Variants in SLC35A5 observed in about 807,000 individuals in gnomAD.
SLC35A5 encodes the protein UDP-sugar transporter protein SLC35A5.
Under a neutral mutation model 36.3 loss-of-function variants are expected in SLC35A5, and 28 were observed. The observed-to-expected ratio is 0.77, with a 90% confidence interval of 0.57 to 1.06. The LOEUF is 1.06. SLC35A5 is among the 50% of genes least tolerant of loss of function. The pLI is 0.00. For synonymous variants in SLC35A5, 180 were observed against 173.7 expected, an observed-to-expected ratio of 1.04 and a Z score of -0.29; for missense variants, 521 against 499.3, an observed-to-expected ratio of 1.04 and a Z score of -0.41.
chr3:112,574,949 G>C (rs912908299), intron 5 of SLC35A5, among the ~76,000 whole-genome samples: 4 of 152,014 alleles, frequency 2.6e-5, no homozygotes, highest in African/African-American at 9.7e-5. Context: ...ATCGAAGTTT[G>C]TTCTACGTAT....
At chr3:112,580,412 T>C in intron 5 of SLC35A5, 134 bp from the exon 6 acceptor site, 1 of 972,480 alleles carries the variant, frequency 1.0e-6, no homozygotes, top group Middle Eastern at 3.3e-4. Flanking sequence ...TTCTCTGAAC[T>C]TGAGTGGTAG....
At chr3:112,580,439 CT>C in intron 5 of SLC35A5, 106 bp from the exon 6 acceptor site, 3 of 1,274,206 alleles carry the variant, frequency 2.4e-6, no homozygotes, top group Non-Finnish European at 3.2e-6. Context: ...CTAGCAAAAA[CT>C]GGGTCCAGTT....
intron 1 of SLC35A5, among the ~76,000 whole-genome samples, chr3:112,562,803 C>A (rs1933989724): frequency 6.6e-6 from 1 of 152,218 alleles, no homozygotes; most frequent in Admixed American, 6.5e-5. Context: ...GTGGCTCACG[C>A]CTGTAATCCC....
chr3:112,582,933 C>G lies in SLC35A5; in HGVS notation c.*197C>G, dbSNP rs1019273335. 2 of 527,490 alleles carry G rather than the reference C, an allele frequency of 3.8e-6. No individual in the cohort carries two copies. The highest frequency in any genetic ancestry group is 1.9e-5 in the African/African-American group (1 of 51,948). 32.7% of individuals were successfully genotyped at this position (527,490 alleles called of 1,614,324 possible). ...GCTAAGAAATTCTAAAGAACTGATA[C>G]AGGAGTAACAATATGAAGAATTCAT... On this transcript the variant is annotated 3_prime_UTR_variant, in exon 7 of 7. Coordinates refer to ENST00000492406, the MANE Select transcript of SLC35A5 (RefSeq NM_017945.5).
intron 5 of SLC35A5, among the ~76,000 whole-genome samples, chr3:112,576,604 T>A (rs575778365): frequency 2.6e-5 from 4 of 152,210 alleles, no homozygotes; most frequent in Non-Finnish European, 5.9e-5. Context: ...TTCTTTGAAT[T>A]TGACTACTTT....
chr3:112,581,446 T>A, intron 6 of SLC35A5, 120 bp downstream of exon 6: 1 of 1,020,482 alleles, frequency 9.8e-7, no homozygotes, highest in Non-Finnish European at 1.4e-6. Flanking sequence ...CTCTGACTTT[T>A]AAAACCGAAT....
At chr3:112,582,326 A>G (rs1387375299) in intron 6 of SLC35A5, among the ~76,000 whole-genome samples, 1 of 152,132 alleles carries the variant, frequency 6.6e-6, no homozygotes, top group Non-Finnish European at 1.5e-5. Flanking sequence ...ACAGCCGATA[A>G]TGCCATTTGC....
At chr3:112,574,288 A>G (rs556204416) in intron 5 of SLC35A5, among the ~76,000 whole-genome samples, 72 of 152,346 alleles carry the variant, frequency 4.7e-4, no homozygotes, top group Admixed American at 6.5e-4. Context: ...CTAATAGGGA[A>G]GCAAATGGTT....
chr3:112,575,631 A>G lies in SLC35A5; in HGVS notation c.428+1675A>G, dbSNP rs191980318. On this transcript the variant is annotated intron_variant, in intron 5 of 6. Transcript: ENST00000492406. ...CTACATACTTTCTTATTTTCAGAGG[A>G]ATAATAATGATTCTTAGACATATAT... 9.9e-5 allele frequency among the ~76,000 whole-genome samples: 15 copies of G among 152,278 alleles called. No individual in the cohort carries two copies. In the East Asian group the frequency reaches 2.9e-3, roughly 29 times the overall value.
chr3:112,563,370 GTT>G lies in SLC35A5; in HGVS notation c.-19-11_-19-10del. 6.9e-7 allele frequency: 1 copy of G among 1,444,808 alleles called. No individual in the cohort carries two copies. The highest frequency in any genetic ancestry group is 2.5e-5 in the East Asian group (1 of 39,710). The allele number at this position is 1,444,808 out of a possible 1,614,324, so 89.5% of individuals were successfully genotyped here. A position where few individuals can be genotyped will look rare whatever the true frequency, so the allele number is the denominator to read the frequency against. ...TGCCAACAAGGTCGTTCATGAAAGT[GTT>G]TTTCTCTTTAAGGTAATTAAAAAAC... On this transcript the variant is annotated splice_polypyrimidine_tract_variant and intron_variant, in intron 1 of 6. Transcript: ENST00000492406.
chr3:112,574,685 C>T (rs1029338358), intron 5 of SLC35A5, among the ~76,000 whole-genome samples: 14 of 151,886 alleles, frequency 9.2e-5, no homozygotes, highest in African/African-American at 2.9e-4. Context: ...TTAAATTTTA[C>T]ATTATCTTTT....
At chr3:112,565,778 A>G (rs546213817) in intron 2 of SLC35A5, among the ~76,000 whole-genome samples, 34 of 152,304 alleles carry the variant, frequency 2.2e-4, no homozygotes, top group African/African-American at 6.5e-4. Flanking sequence ...CTCAAGAAAA[A>G]AGAAAAAAAA....
Position 112,581,316 on chromosome 3 carries a change from G to A in SLC35A5, c.1199G>A (p.Arg400His), listed in dbSNP as rs992603288. Residue 400 changes from arginine (R) to histidine (H), a missense_variant, in exon 6 of 7, where the codon CGT becomes CAT. Coordinates refer to ENST00000492406, the MANE Select transcript of SLC35A5 (RefSeq NM_017945.5). Reference sequence around the variant, plus strand: ...GATCTAAGTGGCAATCTTTGGGAGCGTTCCAGTGGGGTAAGTTTGTGAGGG... The same window carrying A: ...GATCTAAGTGGCAATCTTTGGGAGCATTCCAGTGGGGTAAGTTTGTGAGGG... ...IRDLSGNLWE[R>H]SSGDGEELER... is the part of the protein sequence containing the mutation. 5.6e-6 allele frequency: 9 copies of A among 1,601,450 alleles called. No individual in the cohort carries two copies. Among genetic ancestry groups the A allele is most frequent in the East Asian group, 2.2e-5 (1 of 44,846 alleles).
In SLC35A5 at chr3:112,580,766, TG is replaced by T. The variant is rs1934873300; in HGVS notation, c.651del (p.Trp217Ter). ...AKEWTFPEAKWNTTARVFSHI... is the reference protein window; with the variant it reads ...AKEWTFPEAKXNTTARVFSHI... ...GGAATGGACTTTTCCTGAAGCTAAA[TG>T]GAACACCACAGCCAGAGTTTTCAGT... is the stretch of plus-strand genomic sequence containing the variant. On this transcript the variant is annotated frameshift_variant, in exon 6 of 7. Transcript: ENST00000492406. LOFTEE classifies it high-confidence loss of function. 1.2e-6 allele frequency: 2 copies of T among 1,614,080 alleles called. No individual in the cohort carries two copies. The highest frequency in any genetic ancestry group is 2.2e-5 in the South Asian group (2 of 91,090).
intron 5 of SLC35A5, among the ~76,000 whole-genome samples, chr3:112,574,722 G>A (rs1352722159): frequency 6.6e-6 from 1 of 151,838 alleles, no homozygotes; most frequent in East Asian, 1.9e-4. Context: ...AGTGTGCTGT[G>A]TGATAGTATG....
chr3:112,574,653 TTTC>T (rs1347983082), intron 5 of SLC35A5, among the ~76,000 whole-genome samples: 1 of 142,648 alleles, frequency 7.0e-6, no homozygotes, highest in Non-Finnish European at 1.5e-5. Context: ...ATAAAATTAA[TTTC>T]TTATTAGATT....
At chr3:112,582,433 G>A (rs1007874779) in intron 6 of SLC35A5, among the ~76,000 whole-genome samples, 6 of 152,060 alleles carry the variant, frequency 3.9e-5, no homozygotes, top group African/African-American at 1.4e-4. Flanking sequence ...ACCAGCAGGT[G>A]GTGCTCCTCA....
chr3:112,579,804 C>T lies in SLC35A5; in HGVS notation c.429-742C>T, dbSNP rs76276090. 8.5e-5 allele frequency among the ~76,000 whole-genome samples: 13 copies of T among 152,230 alleles called. No homozygotes were observed. In the East Asian group the frequency reaches 1.9e-3, roughly 23 times the overall value. ...GAACATGGAGATAAGTCATCTTTAT[C>T]GCCCCAGGTTGCCTGGCACGTAGTA... is the stretch of plus-strand genomic sequence containing the variant. On this transcript the variant is annotated intron_variant, in intron 5 of 6. Transcript: ENST00000492406.
Position 112,569,254 on chromosome 3 carries a change from T to A in SLC35A5, c.214T>A (p.Cys72Ser). The change falls in exon 3 of 7, where the codon TGT becomes AGT. Residue 72 changes from cysteine (C) to serine (S), a missense_variant. Cys to Ser is a moderately radical substitution (Grantham distance 112). Coordinates refer to ENST00000492406, the MANE Select transcript of SLC35A5 (RefSeq NM_017945.5). ...AGTTTTCTGTGTGCTTGTGTCATTC[T>A]GTGTTATAAAGAAAGGTAAGTCTTG... is the stretch of plus-strand genomic sequence containing the variant. ...KLVFCVLVSFCVIKKDHQSRN... is the reference protein window; with the variant it reads ...KLVFCVLVSFSVIKKDHQSRN... The A allele has an allele frequency of 6.2e-7, 1 of 1,613,900 alleles. No homozygotes were observed. Among genetic ancestry groups the A allele is most frequent in the Non-Finnish European group, 8.5e-7 (1 of 1,179,844 alleles).
Sources: gnomAD v4.1 joint callset for allele counts (sites outside exome capture counted in the v4.1 genomes callset) on GRCh38, gnomAD v4.1.1 for gene constraint, MANE v1.5 for transcripts, NCBI Gene and HGNC (gene_info 2026-07-23, HGNC 2026-07-21) for gene names.